Variants in NCOA7 observed in about 807,000 individuals in gnomAD.
NCOA7 encodes 140 kDa estrogen receptor-associated protein.
NCOA7 carries 45 observed loss-of-function variants against 104.3 expected under a neutral mutation model. That is an observed-to-expected ratio of 0.43 (90% CI 0.34 to 0.55). NCOA7 has a LOEUF of 0.55. Among genes scored for constraint, NCOA7 ranks in the 20% least tolerant of loss-of-function variants. The pLI, the probability that NCOA7 is intolerant of heterozygous loss-of-function variation, is 0.02. For missense variants in NCOA7, 1,041 were observed against 1,119.7 expected (o/e 0.93, Z 1.00); for synonymous variants, 398 against 402.3 (o/e 0.99, Z 0.13).
At chr6:125,872,971 G>A (rs1337400704) in intron 3 of NCOA7, among the ~76,000 whole-genome samples, 1 of 152,094 alleles carries the variant, frequency 6.6e-6, no homozygotes. Flanking sequence ...TGTAATGGAA[G>A]CATCTATTTA....
intron 10 of NCOA7, among the ~76,000 whole-genome samples, chr6:125,895,406 A>T (rs925440752): frequency 6.6e-6 from 1 of 152,194 alleles, no homozygotes; most frequent in Admixed American, 6.5e-5. Context: ...TTGAAAAAAA[A>T]TTATGCTGAG....
upstream of NCOA7, among the ~76,000 whole-genome samples, chr6:125,790,052 T>TG (rs1774685807): frequency 2.6e-5 from 4 of 152,206 alleles, no homozygotes; most frequent in Non-Finnish European, 4.4e-5. Context: ...CAAGGTTCTC[T>TG]CGAGTCTCTG....
intron 2 of NCOA7, among the ~76,000 whole-genome samples, chr6:125,815,649 T>C (rs1562816820): frequency 6.6e-6 from 1 of 152,236 alleles, no homozygotes; most frequent in Non-Finnish European, 1.5e-5. Context: ...AATCCAGCTG[T>C]CATGCTCTGA....
At chr6:125,911,558 C>T (rs540741016) in intron 10 of NCOA7, among the ~76,000 whole-genome samples, 10 of 152,334 alleles carry the variant, frequency 6.6e-5, no homozygotes, top group African/African-American at 2.4e-4. Context: ...CATACCTCCC[C>T]TTTCCCTTTT....
intron 11 of NCOA7, among the ~76,000 whole-genome samples, chr6:125,920,258 A>G (rs1787456066): frequency 6.6e-6 from 1 of 152,196 alleles, no homozygotes. Context: ...CTTTGTACTC[A>G]TGCTCCTGGT....
intron 1 of NCOA7, among the ~76,000 whole-genome samples, chr6:125,797,222 G>GA (rs1775422298): frequency 6.6e-6 from 1 of 152,148 alleles, no homozygotes; most frequent in Non-Finnish European, 1.5e-5. Flanking sequence ...CCTGATAGAT[G>GA]ACATGAGCCA....
At chr6:125,840,881 T>G (rs1395257713) in intron 2 of NCOA7, among the ~76,000 whole-genome samples, 23 of 20,016 alleles carry the variant, frequency 1.1e-3, no homozygotes, top group African/African-American at 2.5e-3. Context: ...TTTTTTTTTT[T>G]TTTTTTTTTT....
At chr6:125,804,287 T>C (rs1776205278) in intron 1 of NCOA7, among the ~76,000 whole-genome samples, 1 of 152,218 alleles carries the variant, frequency 6.6e-6, no homozygotes, top group South Asian at 2.1e-4. Flanking sequence ...CTCCTGTTTA[T>C]TGATGCTACT....
intron 1 of NCOA7, among the ~76,000 whole-genome samples, chr6:125,783,891 GT>G: frequency 6.6e-6 from 1 of 151,978 alleles, no homozygotes; most frequent in East Asian, 1.9e-4. Flanking sequence ...TTTCCTCATT[GT>G]TTTTGACAAC....
chr6:125,898,479 G>A (rs1022272593), intron 10 of NCOA7, among the ~76,000 whole-genome samples: 1 of 152,218 alleles, frequency 6.6e-6, no homozygotes, highest in South Asian at 2.1e-4. Flanking sequence ...CATTAAGAGA[G>A]CAGATTGGGC....
chr6:125,922,350 A>G (rs1787659238), intron 12 of NCOA7, among the ~76,000 whole-genome samples: 1 of 152,178 alleles, frequency 6.6e-6, no homozygotes, highest in Admixed American at 6.5e-5. Flanking sequence ...CTGTTTGGTA[A>G]AAGCCAGGTT....
At chr6:125,856,787 G>A (rs1003174358) in intron 3 of NCOA7, among the ~76,000 whole-genome samples, 2 of 152,150 alleles carry the variant, frequency 1.3e-5, no homozygotes, top group African/African-American at 4.8e-5. Context: ...CTGCAAATAC[G>A]GTAAATGAAA....
intron 3 of NCOA7, among the ~76,000 whole-genome samples, chr6:125,867,561 G>A (rs1318823286): frequency 6.6e-6 from 1 of 152,190 alleles, no homozygotes; most frequent in African/African-American, 2.4e-5. Context: ...GCTGTGCAAG[G>A]TAGCCTCTGA....
intron 1 of NCOA7, among the ~76,000 whole-genome samples, chr6:125,783,898 A>G: frequency 6.6e-6 from 1 of 152,124 alleles, no homozygotes; most frequent in East Asian, 1.9e-4. Flanking sequence ...ATTGTTTTTG[A>G]CAACTGCAGG....
intron 10 of NCOA7, among the ~76,000 whole-genome samples, chr6:125,892,079 C>T: frequency 6.6e-6 from 1 of 152,142 alleles, no homozygotes; most frequent in East Asian, 1.9e-4. Context: ...TAGGCCCATT[C>T]TTGATTTTCT....
intron 3 of NCOA7, among the ~76,000 whole-genome samples, chr6:125,867,836 A>G (rs1443711979): frequency 2.6e-5 from 4 of 152,116 alleles, no homozygotes; most frequent in Admixed American, 1.3e-4. Context: ...AAGGGGGTGG[A>G]GCTCATGCAG....
At chr6:125,852,716 G>A (rs1398474216) in intron 2 of NCOA7, among the ~76,000 whole-genome samples, 3 of 152,148 alleles carry the variant, frequency 2.0e-5, no homozygotes, top group Non-Finnish European at 4.4e-5. Flanking sequence ...TCAGTTGGTT[G>A]TGAGTATTTG....
intron 10 of NCOA7, among the ~76,000 whole-genome samples, chr6:125,896,718 A>G (rs1276473310): frequency 2.0e-5 from 3 of 152,200 alleles, no homozygotes; most frequent in African/African-American, 7.2e-5. Flanking sequence ...CTTGAGCCCG[A>G]GATGCTGAGG....
At chr6:125,894,042 C>T (rs1242488348) in intron 10 of NCOA7, among the ~76,000 whole-genome samples, 1 of 152,096 alleles carries the variant, frequency 6.6e-6, no homozygotes, top group East Asian at 1.9e-4. Flanking sequence ...GCTGGCTCCT[C>T]CTGCTTTCAC....
Sources: gnomAD v4.1 joint callset for allele counts (sites outside exome capture counted in the v4.1 genomes callset) on GRCh38, gnomAD v4.1.1 for gene constraint, MANE v1.5 for transcripts, NCBI Gene and HGNC (gene_info 2026-07-23, HGNC 2026-07-21) for gene names.